SPATA6L: variants seen among roughly 807,000 people sequenced by gnomAD.
SPATA6L encodes spermatogenesis associated 6-like protein.
In SPATA6L, 68 loss-of-function variants were observed where a neutral mutation model predicts 49.2. That is an observed-to-expected ratio of 1.38 (90% CI 1.14 to 1.69). The LOEUF is 1.69. Among genes scored for constraint, SPATA6L ranks in the 40% most tolerant of loss-of-function variants. SPATA6L has a pLI of 0.00. For missense variants in SPATA6L, 668 were observed against 464.3 expected (o/e 1.44, Z -4.03); for synonymous variants, 198 against 165.7 (o/e 1.19, Z -1.50).
chr9:4,607,481 G>A (rs1381784728), intron 9 of SPATA6L, among the ~76,000 whole-genome samples: 3 of 152,188 alleles, frequency 2.0e-5, no homozygotes, highest in Non-Finnish European at 4.4e-5. Flanking sequence ...GAGAGTGGGG[G>A]CCAATATTCC....
intron 8 of SPATA6L, 93 bp from the exon 9 acceptor site, chr9:4,618,203 G>A: frequency 1.8e-6 from 2 of 1,088,406 alleles, no homozygotes; most frequent in Middle Eastern, 2.3e-4. Context: ...AGATAACTCG[G>A]GCTAAGATGA....
At chr9:4,647,348 T>C (rs968586564) in intron 3 of SPATA6L, among the ~76,000 whole-genome samples, 19 of 152,124 alleles carry the variant, frequency 1.2e-4, no homozygotes, top group Non-Finnish European at 2.1e-4. Flanking sequence ...TCCCAGCACT[T>C]TGGGAGGCCG....
intron 9 of SPATA6L, among the ~76,000 whole-genome samples, chr9:4,610,215 T>C (rs929985010): frequency 4.6e-5 from 7 of 150,826 alleles, no homozygotes; most frequent in African/African-American, 7.3e-5. Flanking sequence ...AAAATGGCCA[T>C]ACTGCCCAAG....
rs1213778597 is a variant in SPATA6L at position 4,599,056 on chromosome 9, C to A, written c.*1755G>T. Among the ~76,000 whole-genome samples, 5 of 152,206 alleles carry A rather than the reference C, an allele frequency of 3.3e-5. No individual in the cohort carries two copies. The highest frequency in any genetic ancestry group is 3.3e-4 in the Admixed American group (5 of 15,286). Reference sequence around the variant, plus strand: ...TCAGGATAGGGGATAGGACCCAAGTCTAAACACGAAATTCATTTACGTTTT... The same window carrying A: ...TCAGGATAGGGGATAGGACCCAAGTATAAACACGAAATTCATTTACGTTTT... On this transcript the variant is annotated 3_prime_UTR_variant, in exon 12 of 12. Coordinates refer to ENST00000682582, the MANE Select transcript of SPATA6L (RefSeq NM_001353486.2).
chr9:4,640,673 AGT>A (rs1257705564), intron 3 of SPATA6L, among the ~76,000 whole-genome samples: 2 of 152,208 alleles, frequency 1.3e-5, no homozygotes, highest in African/African-American at 4.8e-5. Context: ...AGACTGGCAC[AGT>A]GTAGATCATG....
chr9:4,631,018 C>T (rs914392709), intron 4 of SPATA6L, among the ~76,000 whole-genome samples: 1 of 152,160 alleles, frequency 6.6e-6, no homozygotes, highest in Non-Finnish European at 1.5e-5. Flanking sequence ...AATTCCTGAT[C>T]GACTTTGCCC....
intron 4 of SPATA6L, among the ~76,000 whole-genome samples, chr9:4,634,835 C>T (rs1411602111): frequency 6.6e-6 from 1 of 152,158 alleles, no homozygotes; most frequent in African/African-American, 2.4e-5. Context: ...AATTTGCGAG[C>T]CTCTGTCAGT....
intron 9 of SPATA6L, among the ~76,000 whole-genome samples, chr9:4,607,020 A>G (rs200787370): frequency 0.2 from 29,021 of 142,562 alleles, 5,345 homozygotes; most frequent in African/African-American, 0.49. Flanking sequence ...GAGCCGATGC[A>G]ATCAACTGGA....
Position 4,598,658 on chromosome 9 carries a change from T to G in SPATA6L, c.*2153A>C, listed in dbSNP as rs1822547993. On this transcript the variant is annotated 3_prime_UTR_variant, in exon 12 of 12. Coordinates refer to ENST00000682582, the MANE Select transcript of SPATA6L (RefSeq NM_001353486.2). The stretch of plus-strand genomic sequence containing the variant: ...ACACTGAATATTGAATGTCATGGTG[T>G]ATATTTTAACAATAACTGAAATGGG... 6.6e-6 allele frequency among the ~76,000 whole-genome samples: 1 copy of G among 152,248 alleles called. No homozygotes were observed.
chr9:4,645,527 C>T (rs1054317155), intron 3 of SPATA6L, among the ~76,000 whole-genome samples: 27 of 152,262 alleles, frequency 1.8e-4, no homozygotes, highest in Non-Finnish European at 3.8e-4. Flanking sequence ...TCAGGTCTCT[C>T]ATCCTCCTCT....
At chr9:4,621,281 G>A (rs1179986167) in intron 7 of SPATA6L, among the ~76,000 whole-genome samples, 2 of 152,226 alleles carry the variant, frequency 1.3e-5, no homozygotes, top group Admixed American at 1.3e-4. Context: ...CCTTAACCCA[G>A]TGACTCTCAA....
chr9:4,614,670 G>T (rs1048056707), intron 9 of SPATA6L, among the ~76,000 whole-genome samples: 1 of 146,860 alleles, frequency 6.8e-6, no homozygotes, highest in African/African-American at 2.7e-5. Flanking sequence ...CTGGGACTCA[G>T]GGGTTTCCCA....
intron 2 of SPATA6L, 32 bp from the exon 3 acceptor site, chr9:4,656,121 A>G: frequency 1.3e-6 from 2 of 1,587,006 alleles, no homozygotes; most frequent in Non-Finnish European, 1.7e-6. Context: ...ATAAATTTTC[A>G]AAGTTGTATT....
At chr9:4,663,462 G>A (rs1347558586) in intron 1 of SPATA6L, 9 of 575,476 alleles carry the variant, frequency 1.6e-5, no homozygotes, top group Non-Finnish European at 6.1e-6. Flanking sequence ...ATTAGGGAAA[G>A]CAAAAAAACC....
At chr9:4,611,366 C>T (rs1321676442) in intron 9 of SPATA6L, among the ~76,000 whole-genome samples, 1 of 148,816 alleles carries the variant, frequency 6.7e-6, no homozygotes. Flanking sequence ...TATTGCGGCA[C>T]TACTCACAAT....
intron 3 of SPATA6L, among the ~76,000 whole-genome samples, chr9:4,650,247 A>G (rs577450797): frequency 7.9e-5 from 12 of 152,142 alleles, no homozygotes; most frequent in Non-Finnish European, 1.8e-4. Context: ...GCCTCAGCTC[A>G]CTTGGTACTT....
chr9:4,595,654 A>AT (rs1564082176), downstream of SPATA6L, among the ~76,000 whole-genome samples: 3 of 152,110 alleles, frequency 2.0e-5, no homozygotes, highest in African/African-American at 7.2e-5. Context: ...TGGTCTGCCT[A>AT]TTTTTTAAAT....
chr9:4,602,347 C>T (rs76018719), intron 11 of SPATA6L, among the ~76,000 whole-genome samples: 540 of 152,028 alleles, frequency 3.6e-3, no homozygotes, highest in Non-Finnish European at 5.9e-3. Flanking sequence ...AGTAAATGGC[C>T]CAGAATCCGT....
At chr9:4,656,492 GGAAGGAAGGA>G (rs1838251258) in intron 2 of SPATA6L, among the ~76,000 whole-genome samples, 1 of 133,952 alleles carries the variant, frequency 7.5e-6, no homozygotes, top group African/African-American at 3.4e-5. Context: ...AAGGAAGGAA[GGAAGGAAGGA>G]AGGGAGGAGC....
Sources: allele counts gnomAD v4.1 joint callset (sites outside exome capture counted in the v4.1 genomes callset), GRCh38; gene constraint gnomAD v4.1.1; transcripts MANE v1.5; gene names NCBI Gene and HGNC (gene_info 2026-07-23, HGNC 2026-07-21).